Variants in TERT observed in about 807,000 individuals in gnomAD.
TERT encodes telomerase reverse transcriptase.
A neutral mutation model predicts 104.0 loss-of-function variants in TERT; 42 were observed. That is an observed-to-expected ratio of 0.40 (90% CI 0.32 to 0.52). The LOEUF (loss-of-function observed/expected upper bound fraction) is 0.52, where lower values mean the gene tolerates loss of function less well. Ranked by LOEUF, TERT falls within the 20% of genes least tolerant of loss-of-function variation. The pLI is 0.43. For synonymous variants in TERT, 781 were observed against 725.6 expected (o/e 1.08, Z -1.23); for missense variants, 1,101 against 1,610.3 (o/e 0.68, Z 5.41).
At position 1,264,414 on chromosome 5, in the gene TERT, C is replaced by T. The variant is rs1446074617; in HGVS notation, c.2833G>A (p.Asp945Asn). 3 of 1,612,678 alleles carry T rather than the reference C, an allele frequency of 1.9e-6. No homozygotes were observed. Among genetic ancestry groups the T allele is most frequent in the East Asian group, 2.2e-5 (1 of 44,852 alleles). ...GCCAGGTGCGCTCACCTGGAGTAGTCGCTCTGCACCTCCAGGGTCCGGGTA... is the reference window on the plus strand; with the variant it reads ...GCCAGGTGCGCTCACCTGGAGTAGTTGCTCTGCACCTCCAGGGTCCGGGTA... ...LDTRTLEVQS[D>N]YSSYARTSIR... Residue 945 changes from aspartate to asparagine, a missense_variant, in exon 11 of 16, where the codon GAC (aspartate) becomes AAC (asparagine). Transcript: ENST00000310581.
In TERT at chr5:1,268,456, C is replaced by T. The variant is rs1561195276; in HGVS notation, c.2582+64G>A. On this transcript the variant is annotated intron_variant, in intron 9 of 15. Coordinates refer to ENST00000310581, the MANE Select transcript of TERT (RefSeq NM_198253.3). This position sits in a 1 kb window ranked among gnomAD's most constrained non-coding sequence, Gnocchi z 5.5. ...GTCTCCAGAGCACCAGGAATATTAA[C>T]ACTGAATGCATCAAAAGCAAATCAA... The T allele has an allele frequency of 8.1e-7, 1 of 1,239,100 alleles. No homozygotes were observed. The highest frequency in any genetic ancestry group is 2.5e-5 in the East Asian group (1 of 40,712). 76.8% of individuals were successfully genotyped at this position (1,239,100 alleles called of 1,614,324 possible).
rs552496815 is a variant in TERT, at chr5:1,270,421, C to T, written c.2468+698G>A. 6.6e-6 allele frequency among the ~76,000 whole-genome samples: 1 copy of T among 152,350 alleles called. No individual in the cohort carries two copies. The highest frequency in any genetic ancestry group is 2.4e-5 in the African/African-American group (1 of 41,584). The stretch of plus-strand genomic sequence containing the variant: ...TCCGTGCTACCACTCTCCCCAGGCA[C>T]ACACAGGGTCGCAGGCAGATGCCTG... On this transcript the variant is annotated intron_variant, in intron 8 of 15. Coordinates refer to ENST00000310581, the MANE Select transcript of TERT (RefSeq NM_198253.3). This position sits in a 1 kb window ranked among gnomAD's most constrained non-coding sequence, Gnocchi z 8.3.
At chr5:1,271,454 A>C (rs1430504835) in intron 7 of TERT, among the ~76,000 whole-genome samples, 2 of 152,102 alleles carry the variant, frequency 1.3e-5, no homozygotes, top group Non-Finnish European at 2.9e-5. Context: ...TCACACCCAC[A>C]CAGCCCACCG....
intron 2 of TERT, among the ~76,000 whole-genome samples, chr5:1,284,029 C>G (rs1321624839): frequency 3.4e-5 from 5 of 146,312 alleles, no homozygotes; most frequent in South Asian, 2.3e-4. Flanking sequence ...GCGACCTCAC[C>G]CCGGACCTGC....
Position 1,293,955 on chromosome 5 carries a change from A to T in TERT, c.931T>A (p.Ser311Thr), listed in dbSNP as rs1060502998. 11 of 1,552,462 alleles carry T rather than the reference A, an allele frequency of 7.1e-6. No homozygotes were observed. In the Middle Eastern group the frequency reaches 5.0e-4, roughly 71 times the overall value. Residue 311 changes from serine (S) to threonine (T), a missense_variant, in exon 2 of 16, where the codon TCG becomes ACG. Transcript: ENST00000310581. ...RQHHAGPPST[S>T]RPPRPWDTPC... The stretch of plus-strand genomic sequence containing the variant: ...GTGTCCCAGGGACGTGGTGGCCGCG[A>T]TGTGGATGGGGGGCCCGCGTGGTGC...
rs13172201 is a variant in TERT, at chr5:1,271,546, T to C, written c.2383-342A>G. Reference sequence around the variant, plus strand: ...CTGGGTCCCAGCAGCCCAGGCCACCTCCACCCCCACCCTGGGAGCCAAGGA... The same window carrying C: ...CTGGGTCCCAGCAGCCCAGGCCACCCCCACCCCCACCCTGGGAGCCAAGGA... On this transcript the variant is annotated intron_variant, in intron 7 of 15. Coordinates refer to ENST00000310581, the MANE Select transcript of TERT (RefSeq NM_198253.3). 0.35 allele frequency among the ~76,000 whole-genome samples: 52,029 copies of C among 149,926 alleles called. 10,530 individuals are homozygous for C. Among genetic ancestry groups the C allele is most frequent in the East Asian group, 0.87 (4,236 of 4,876 alleles).
chr5:1,280,190 C>G lies in TERT; in HGVS notation c.1918G>C (p.Val640Leu). ...LRPIVNMDYVVGARTFRREKR... is the reference protein window; with the variant it reads ...LRPIVNMDYVLGARTFRREKR... Reference sequence around the variant, plus strand: ...TCTCTGCGGAACGTTCTGGCTCCCACGACGTAGTCCATGTTCACAATCGGC... The same window carrying G: ...TCTCTGCGGAACGTTCTGGCTCCCAGGACGTAGTCCATGTTCACAATCGGC... Residue 640 changes from valine to leucine, a missense_variant, in exon 4 of 16, where the codon GTG becomes CTG. Around this residue, in one of 5 missense-constraint regions of TERT, gnomAD observed 463 missense variants for 797.5 expected, o/e 0.58. Transcript: ENST00000310581. The G allele has an allele frequency of 1.2e-6, 2 of 1,614,096 alleles. No individual in the cohort carries two copies. Among genetic ancestry groups the G allele is most frequent in the Non-Finnish European group, 1.7e-6 (2 of 1,180,044 alleles).
intron 6 of TERT, 108 bp downstream of exon 6, chr5:1,278,533 T>C (rs1749773605): frequency 4.7e-6 from 7 of 1,485,752 alleles, no homozygotes; most frequent in East Asian, 4.5e-5. Context: ...GTGTAAATCA[T>C]GGAAGTACCT....
chr5:1,287,544 C>G lies in TERT; in HGVS notation c.1574-4920G>C, dbSNP rs866167654. Among the ~76,000 whole-genome samples the G allele has an allele frequency of 2.7e-5, 4 of 148,212 alleles. No individual in the cohort carries two copies. The highest frequency in any genetic ancestry group is 7.4e-5 in the African/African-American group (3 of 40,334). ...ATATATATAAATTAAAGGCAGAAAA[C>G]AGACACAGCAGGAAAATACTAATCA... On this transcript the variant is annotated intron_variant, in intron 2 of 15. Coordinates refer to ENST00000310581, the MANE Select transcript of TERT (RefSeq NM_198253.3). The surrounding 1 kb of genome is among the most constrained non-coding windows in gnomAD (Gnocchi z 4.3).
Position 1,294,021 on chromosome 5 carries a change from G to T in TERT, c.865C>A (p.Leu289Ile). The part of the protein sequence containing the change: ...AEEATSLEGA[L>I]SGTRHSHPSV... ...GGGTGGGAGTGGCGCGTGCCAGAGA[G>T]CGCACCCTCCAAAGAGGTGGCTTCT... Residue 289 changes from leucine to isoleucine, a missense_variant, in exon 2 of 16, where the codon CTC (leucine) becomes ATC (isoleucine). Coordinates refer to ENST00000310581, the MANE Select transcript of TERT (RefSeq NM_198253.3). 1 of 1,594,232 alleles carries T rather than the reference G, an allele frequency of 6.3e-7. No homozygotes were observed.
chr5:1,264,654 C>T (rs1748471312), intron 10 of TERT, 62 bp from the exon 11 acceptor site: 4 of 1,582,202 alleles, frequency 2.5e-6, no homozygotes, highest in Admixed American at 3.3e-5. Flanking sequence ...GGTAACCTGA[C>T]ACCCTTGTTA....
intron 6 of TERT, among the ~76,000 whole-genome samples, chr5:1,275,579 C>T (rs1335970963): frequency 1.3e-5 from 2 of 151,964 alleles, no homozygotes; most frequent in Admixed American, 6.6e-5. Flanking sequence ...CAGGGGAGGC[C>T]TCCACACCCC....
At chr5:1,266,092 G>A (rs1157414243) in intron 10 of TERT, among the ~76,000 whole-genome samples, 4 of 152,178 alleles carry the variant, frequency 2.6e-5, no homozygotes, top group Admixed American at 1.3e-4. Context: ...CCCTGGGGAG[G>A]AGGCTGCCGC....
rs901063678 is a variant in TERT, at chr5:1,288,899, C to A, written c.1573+4414G>T. On this transcript the variant is annotated intron_variant, in intron 2 of 15. Transcript: ENST00000310581. The surrounding 1 kb of genome is among the most constrained non-coding windows in gnomAD (Gnocchi z 5.3). Reference sequence around the variant, plus strand: ...GGCGAGAGCCTGCAGTCCCGTGTCCCCGTAGCAAAATGGAACGGAGAGGTG... The same window carrying A: ...GGCGAGAGCCTGCAGTCCCGTGTCCACGTAGCAAAATGGAACGGAGAGGTG... 2.0e-5 allele frequency among the ~76,000 whole-genome samples: 3 copies of A among 152,186 alleles called. No homozygotes were observed. The highest frequency in any genetic ancestry group is 2.9e-5 in the Non-Finnish European group (2 of 68,032).
intron 4 of TERT, among the ~76,000 whole-genome samples, chr5:1,279,744 G>A (rs1407530509): frequency 6.6e-6 from 1 of 152,248 alleles, no homozygotes; most frequent in South Asian, 2.1e-4. Context: ...AGCCACAGGG[G>A]TGGGGTGCAG....
chr5:1,267,956 A>T (rs1748734886), intron 9 of TERT, among the ~76,000 whole-genome samples: 1 of 152,172 alleles, frequency 6.6e-6, no homozygotes, highest in African/African-American at 2.4e-5. Context: ...CACGTCGTGC[A>T]CATGTACCCT....
In TERT at chr5:1,272,390, G is replaced by A. The variant is rs185290482; in HGVS notation, c.2287-110C>T. 5.3e-5 allele frequency: 54 copies of A among 1,010,940 alleles called. No individual in the cohort carries two copies. In the East Asian group the frequency reaches 5.7e-4, roughly 11 times the overall value. The allele number at this position is 1,010,940 out of a possible 1,614,324, so 62.6% of individuals were successfully genotyped here. A position where few individuals can be genotyped will look rare whatever the true frequency, so the allele number is the denominator to read the frequency against. On this transcript the variant is annotated intron_variant, in intron 6 of 15. Transcript: ENST00000310581. ...TGGACCTGCGGCCAAGCCCGATGGC[G>A]GGATGAAGCCCAGAGAGCGCCTGGG...
chr5:1,277,078 C>T (rs938023012), intron 6 of TERT, among the ~76,000 whole-genome samples: 5 of 152,214 alleles, frequency 3.3e-5, no homozygotes, highest in Admixed American at 6.5e-5. Context: ...GCAAGAGCCC[C>T]GGGGCGGCCA....
chr5:1,277,399 G>A (rs1279057651), intron 6 of TERT, among the ~76,000 whole-genome samples: 1 of 152,238 alleles, frequency 6.6e-6, no homozygotes, highest in African/African-American at 2.4e-5. Context: ...CAGCGGGAAG[G>A]ATACATCCAC....
Sources: gnomAD v4.1 joint callset for allele counts (sites outside exome capture counted in the v4.1 genomes callset) on GRCh38, gnomAD v4.1.1 for gene constraint, gnomAD v4.1.1 regional missense constraint, Gnocchi (gnomAD v3.1) non-coding constraint, MANE v1.5 for transcripts, NCBI Gene and HGNC (gene_info 2026-07-23, HGNC 2026-07-21) for gene names.